Variants in CAAP1 observed in about 807,000 individuals in gnomAD.
The protein encoded by CAAP1 is conserved anti-apoptotic protein.
CAAP1 carries 20 observed loss-of-function variants against 34.0 expected under a neutral mutation model. That is an observed-to-expected ratio of 0.59 (90% CI 0.41 to 0.86). The LOEUF (loss-of-function observed/expected upper bound fraction) is 0.86, where lower values mean the gene tolerates loss of function less well. CAAP1 is among the 40% of genes least tolerant of loss of function. CAAP1 has a pLI of 0.00. For missense variants in CAAP1, 538 were observed against 450.5 expected (o/e 1.19, Z -1.76); for synonymous variants, 213 against 166.7 (o/e 1.28, Z -2.14).
intron 4 of CAAP1, among the ~76,000 whole-genome samples, chr9:26,868,307 A>G (rs1435710275): frequency 1.3e-5 from 2 of 152,196 alleles, no homozygotes; most frequent in Non-Finnish European, 2.9e-5. Flanking sequence ...TAATCATTTT[A>G]TAAGGATGTA....
intron 4 of CAAP1, among the ~76,000 whole-genome samples, chr9:26,879,848 C>T (rs759107401): frequency 1.3e-5 from 2 of 152,142 alleles, no homozygotes; most frequent in Non-Finnish European, 2.9e-5. Context: ...TGTCGGCTTC[C>T]CTACTTCTGA....
At chr9:26,867,120 G>A (rs899988142) in intron 4 of CAAP1, among the ~76,000 whole-genome samples, 5 of 152,150 alleles carry the variant, frequency 3.3e-5, no homozygotes, top group Non-Finnish European at 7.3e-5. Context: ...GATAATCTGA[G>A]GTGGAACAGT....
intron 4 of CAAP1, among the ~76,000 whole-genome samples, chr9:26,874,384 ATCTTC>A (rs1226609471): frequency 1.3e-5 from 2 of 152,020 alleles, no homozygotes; most frequent in Non-Finnish European, 2.9e-5. Context: ...AACATTCTAA[ATCTTC>A]TCTTCTACCT....
intron 1 of CAAP1, among the ~76,000 whole-genome samples, chr9:26,888,575 T>A (rs1038153182): frequency 6.6e-6 from 1 of 152,222 alleles, no homozygotes; most frequent in Non-Finnish European, 1.5e-5. Flanking sequence ...ATAATTAGAC[T>A]GAAAAAGTAA....
At chr9:26,889,138 C>A (rs1310713544) in intron 1 of CAAP1, among the ~76,000 whole-genome samples, 1 of 152,198 alleles carries the variant, frequency 6.6e-6, no homozygotes. Flanking sequence ...ACTGACTAGG[C>A]CGGCGCGGTG....
intron 1 of CAAP1, among the ~76,000 whole-genome samples, chr9:26,892,012 T>C (rs975855082): frequency 1.3e-5 from 2 of 152,146 alleles, no homozygotes; most frequent in African/African-American, 4.8e-5. Flanking sequence ...TTAACTTCTT[T>C]GGGCCTCAAT....
Position 26,884,869 on chromosome 9 carries a change from G to A in CAAP1, c.606C>T (p.Asp202=), listed in dbSNP as rs376094721. The change falls in exon 4 of 6, where the codon GAC becomes GAT. Residue 202 remains aspartate, a synonymous_variant. Coordinates refer to ENST00000333916, the MANE Select transcript of CAAP1 (RefSeq NM_024828.4). The part of the protein sequence containing the change: ...LKILEGDNGM[D]SDMEEEADDG... ...CATCTGCTTCCTCTTCCATATCAGAGTCCATTCCATTGTCACCTTATAAAT... is the reference window on the plus strand; with the variant it reads ...CATCTGCTTCCTCTTCCATATCAGAATCCATTCCATTGTCACCTTATAAAT... The A allele has an allele frequency of 2.5e-6, 4 of 1,607,578 alleles. No individual in the cohort carries two copies. In the African/African-American group the frequency reaches 4.0e-5, roughly 16 times the overall value.
At chr9:26,883,789 G>A (rs1021066545) in intron 4 of CAAP1, among the ~76,000 whole-genome samples, 2 of 152,116 alleles carry the variant, frequency 1.3e-5, no homozygotes, top group African/African-American at 4.8e-5. Context: ...ATATTAAAAA[G>A]TTAACAGGCC....
intron 5 of CAAP1, among the ~76,000 whole-genome samples, chr9:26,858,835 A>G (rs1822937815): frequency 6.6e-6 from 1 of 150,550 alleles, no homozygotes; most frequent in Non-Finnish European, 1.5e-5. Context: ...AAAAAAAAAA[A>G]AAAGAAAAAG....
intron 5 of CAAP1, among the ~76,000 whole-genome samples, chr9:26,851,951 TC>T (rs1822761922): frequency 6.6e-6 from 1 of 152,162 alleles, no homozygotes; most frequent in Non-Finnish European, 1.5e-5. Flanking sequence ...CTACCATGTT[TC>T]CTGTGGCACT....
At chr9:26,875,104 ATG>A (rs1473208842) in intron 4 of CAAP1, among the ~76,000 whole-genome samples, 3 of 152,170 alleles carry the variant, frequency 2.0e-5, no homozygotes, top group Non-Finnish European at 4.4e-5. Flanking sequence ...TACTGATGTT[ATG>A]TCTCTTTCTA....
rs1587135381 is a variant in CAAP1 at position 26,892,404 on chromosome 9, C to T, written c.303+9G>A. On this transcript the variant is annotated intron_variant, in intron 1 of 5. Coordinates refer to ENST00000333916, the MANE Select transcript of CAAP1 (RefSeq NM_024828.4). ...GCTCCAGGAAGCGGCCAGAGGGGCG[C>T]GCACGCACCTGCTGCAAGGAGCCCG... 2.5e-6 allele frequency: 4 copies of T among 1,604,484 alleles called. No homozygotes were observed. Among genetic ancestry groups the T allele is most frequent in the Admixed American group, 1.7e-5 (1 of 59,592 alleles).
chr9:26,881,998 T>A (rs1461762370), intron 4 of CAAP1, among the ~76,000 whole-genome samples: 1 of 152,176 alleles, frequency 6.6e-6, no homozygotes. Flanking sequence ...AGCTAGAGAT[T>A]TGTGGAACTT....
At chr9:26,867,322 T>G (rs925734117) in intron 4 of CAAP1, among the ~76,000 whole-genome samples, 1 of 152,192 alleles carries the variant, frequency 6.6e-6, no homozygotes, top group Non-Finnish European at 1.5e-5. Context: ...TATCATATAG[T>G]CTTCTCAAAG....
intron 5 of CAAP1, 125 bp from the exon 6 acceptor site, chr9:26,842,772 T>C: frequency 2.9e-6 from 2 of 686,286 alleles, no homozygotes; most frequent in East Asian, 2.7e-5. Flanking sequence ...ACACATTCCA[T>C]AATCCCCATG....
chr9:26,865,749 A>G (rs536810567), intron 4 of CAAP1, among the ~76,000 whole-genome samples: 6 of 152,348 alleles, frequency 3.9e-5, no homozygotes, highest in Admixed American at 1.3e-4. Flanking sequence ...TTTAATCATC[A>G]TAACAATCCT....
chr9:26,878,014 C>T (rs1465542688), intron 4 of CAAP1, among the ~76,000 whole-genome samples: 2 of 152,074 alleles, frequency 1.3e-5, no homozygotes, highest in African/African-American at 2.4e-5. Context: ...CTAACTTACT[C>T]GACTATTTTC....
intron 1 of CAAP1, among the ~76,000 whole-genome samples, chr9:26,887,957 A>C (rs902263373): frequency 1.3e-5 from 2 of 152,214 alleles, no homozygotes; most frequent in African/African-American, 4.8e-5. Context: ...AGCTATCATC[A>C]TTTTTAAAAC....
chr9:26,869,824 A>T, intron 4 of CAAP1: 1 of 372,970 alleles, frequency 2.7e-6, no homozygotes, highest in Non-Finnish European at 3.7e-6. Flanking sequence ...TTTATTTTTC[A>T]AATGAAATGA....
Sources: allele counts gnomAD v4.1 joint callset (sites outside exome capture counted in the v4.1 genomes callset), GRCh38; gene constraint gnomAD v4.1.1; transcripts MANE v1.5; gene names NCBI Gene and HGNC (gene_info 2026-07-23, HGNC 2026-07-21).